The following FRZB variants were observed in gnomAD, a reference collection of about 807,000 sequenced individuals.
The protein encoded by FRZB is frizzled related protein, also known as secreted frizzled-related protein 3.
In FRZB, 34 loss-of-function variants were observed where a neutral mutation model predicts 32.5. The ratio of observed to expected loss-of-function variants is 1.05; its 90% CI spans 0.80 to 1.39. FRZB has a LOEUF of 1.39. Ranked by LOEUF, FRZB falls within the 40% of genes most tolerant of loss-of-function variation. The pLI is 0.00. For synonymous variants in FRZB, 170 were observed against 159.2 expected, an observed-to-expected ratio of 1.07 and a Z score of -0.51; for missense variants, 423 against 424.8, an observed-to-expected ratio of 1.00 and a Z score of 0.04.
At chr2:182,836,201 AC>A (rs1031321468) in intron 5 of FRZB, among the ~76,000 whole-genome samples, 3 of 152,200 alleles carry the variant, frequency 2.0e-5, no homozygotes, top group African/African-American at 7.2e-5. Flanking sequence ...CATGAAAAAA[AC>A]ATAATAATGT....
chr2:182,864,320 A>G (rs1212701014), intron 1 of FRZB, among the ~76,000 whole-genome samples: 1 of 152,180 alleles, frequency 6.6e-6, no homozygotes, highest in Non-Finnish European at 1.5e-5. Context: ...AATGCATTTC[A>G]GCCTGAACCA....
chr2:182,836,185 C>G (rs779381217), intron 5 of FRZB, among the ~76,000 whole-genome samples: 107 of 151,928 alleles, frequency 7.0e-4, no homozygotes, highest in African/African-American at 2.3e-3. Context: ...GGTAAACAAC[C>G]ATTTGCATGA....
At chr2:182,845,109 T>C (rs2105755487) in intron 2 of FRZB, among the ~76,000 whole-genome samples, 1 of 152,202 alleles carries the variant, frequency 6.6e-6, no homozygotes, top group East Asian at 1.9e-4. Flanking sequence ...AATTCATATC[T>C]TAGGTTATTC....
At chr2:182,836,274 G>C (rs753417978) in intron 5 of FRZB, among the ~76,000 whole-genome samples, 6 of 151,680 alleles carry the variant, frequency 4.0e-5, no homozygotes, top group Non-Finnish European at 8.8e-5. Flanking sequence ...AAATCTGATT[G>C]AAAAAATAAC....
At chr2:182,839,763 C>A (rs1695566199) in intron 3 of FRZB, among the ~76,000 whole-genome samples, 1 of 151,948 alleles carries the variant, frequency 6.6e-6, no homozygotes, top group Non-Finnish European at 1.5e-5. Context: ...TCCCAGTACC[C>A]TCATTGCTCC....
chr2:182,833,440 G>A lies in FRZB; in HGVS notation c.*1409C>T, dbSNP rs1308881683. ...GTACAGATGCTCCGCCATTTACGATGGGGTTACATCTGGATAAACCCATTC... is the reference window on the plus strand; with the variant it reads ...GTACAGATGCTCCGCCATTTACGATAGGGTTACATCTGGATAAACCCATTC... On this transcript the variant is annotated 3_prime_UTR_variant, in exon 6 of 6. Coordinates refer to ENST00000295113, the MANE Select transcript of FRZB (RefSeq NM_001463.4). 2.0e-5 allele frequency: 3 copies of A among 152,126 alleles called. No individual in the cohort carries two copies. The highest frequency in any genetic ancestry group is 4.4e-5 in the Non-Finnish European group (3 of 68,028). The allele number at this position is 152,126 out of a possible 1,614,324, so 9.4% of individuals were successfully genotyped here.
At chr2:182,840,455 T>G (rs1381920895) in intron 3 of FRZB, among the ~76,000 whole-genome samples, 2 of 152,148 alleles carry the variant, frequency 1.3e-5, no homozygotes, top group South Asian at 2.1e-4. Flanking sequence ...CTACAAGACC[T>G]ACTTTTTCAC....
chr2:182,835,409 T>C (rs1272114721), intron 5 of FRZB, among the ~76,000 whole-genome samples: 2 of 151,898 alleles, frequency 1.3e-5, no homozygotes, highest in Non-Finnish European at 2.9e-5. Context: ...TCTATGTGAT[T>C]TGAGCAGTGA....
chr2:182,848,526 C>T (rs373978525), intron 2 of FRZB, among the ~76,000 whole-genome samples: 2 of 152,228 alleles, frequency 1.3e-5, no homozygotes, highest in Middle Eastern at 3.4e-3. Flanking sequence ...AATGGAAAAC[C>T]GACAGGGTCT....
intron 2 of FRZB, among the ~76,000 whole-genome samples, chr2:182,851,516 C>T (rs1695709854): frequency 6.6e-6 from 1 of 151,828 alleles, no homozygotes; most frequent in South Asian, 2.1e-4. Flanking sequence ...ATTAGCCAGG[C>T]GTGGTGGCGG....
chr2:182,857,342 C>T (rs561698568), intron 2 of FRZB, among the ~76,000 whole-genome samples: 15 of 152,146 alleles, frequency 9.9e-5, no homozygotes, highest in East Asian at 7.7e-4. Flanking sequence ...AGGTCTTGGC[C>T]GGACATGGTG....
rs1372949315 is a variant in FRZB, at chr2:182,866,166, C to A, written c.387G>T (p.Ser129=). 1 of 1,614,102 alleles carries A rather than the reference C, an allele frequency of 6.2e-7. No homozygotes were observed. Among genetic ancestry groups the A allele is most frequent in the Non-Finnish European group, 8.5e-7 (1 of 1,179,988 alleles). ...CCTCGCAGGCCAGGTTCTCCGGCCACGAGTGGCGGTACTTGATGAGTATGG... is the reference window on the plus strand; with the variant it reads ...CCTCGCAGGCCAGGTTCTCCGGCCAAGAGTGGCGGTACTTGATGAGTATGG... The part of the protein sequence containing the change: ...CEPILIKYRH[S]WPENLACEEL... The change falls in exon 1 of 6, where the codon TCG becomes TCT. Residue 129 remains serine (S), a synonymous_variant. Transcript: ENST00000295113. This position sits in a 1 kb window ranked among gnomAD's most constrained non-coding sequence, Gnocchi z 4.5.
chr2:182,837,685 A>T (rs1487377851), intron 5 of FRZB, among the ~76,000 whole-genome samples: 1 of 152,034 alleles, frequency 6.6e-6, no homozygotes, highest in Non-Finnish European at 1.5e-5. Context: ...CCCTACCAGG[A>T]CTGGACTACA....
chr2:182,864,968 T>C (rs549915477), intron 1 of FRZB, among the ~76,000 whole-genome samples: 18 of 152,320 alleles, frequency 1.2e-4, no homozygotes, highest in Admixed American at 4.6e-4. Context: ...GTTGGGTTAG[T>C]TGGTAGAAGT....
chr2:182,858,774 T>A lies in FRZB; in HGVS notation c.526+12A>T. On this transcript the variant is annotated intron_variant, in intron 2 of 5. Coordinates refer to ENST00000295113, the MANE Select transcript of FRZB (RefSeq NM_001463.4). ...CCACAAATGAAAACCAGGAAGATAA[T>A]GATATACTCACCACTGCTTGCCCCT... 6.3e-7 allele frequency: 1 copy of A among 1,598,172 alleles called. No individual in the cohort carries two copies. Among genetic ancestry groups the A allele is most frequent in the Middle Eastern group, 1.7e-4 (1 of 6,030 alleles).
At chr2:182,840,577 T>C (rs1051313422) in intron 3 of FRZB, among the ~76,000 whole-genome samples, 1 of 152,048 alleles carries the variant, frequency 6.6e-6, no homozygotes, top group African/African-American at 2.4e-5. Context: ...ATATAGAAGA[T>C]AAAAATATTT....
chr2:182,834,737 T>C lies in FRZB; in HGVS notation c.*112A>G, dbSNP rs1695504368. On this transcript the variant is annotated 3_prime_UTR_variant, in exon 6 of 6. Transcript: ENST00000295113. ...TAATAATCAGTTATCACATGATTTT[T>C]ATAGTAAACAATAGAATATGATGTG... 4 of 781,204 alleles carry C rather than the reference T, an allele frequency of 5.1e-6. No individual in the cohort carries two copies. The South Asian group carries it at 5.8e-5, about 11-fold the overall frequency. 48.4% of individuals were successfully genotyped at this position (781,204 alleles called of 1,614,324 possible).
At chr2:182,856,375 A>T (rs537418397) in intron 2 of FRZB, among the ~76,000 whole-genome samples, 41 of 151,306 alleles carry the variant, frequency 2.7e-4, no homozygotes, top group East Asian at 1.5e-3. Flanking sequence ...TGTGTGTGAG[A>T]GAGAGAGAGA....
At chr2:182,850,772 T>A (rs1695701307) in intron 2 of FRZB, among the ~76,000 whole-genome samples, 2 of 152,204 alleles carry the variant, frequency 1.3e-5, no homozygotes, top group South Asian at 4.1e-4. Context: ...ATATGGTAGT[T>A]CTATTTTTAG....
Sources: allele counts gnomAD v4.1 joint callset (sites outside exome capture counted in the v4.1 genomes callset), GRCh38; gene constraint gnomAD v4.1.1; non-coding constraint Gnocchi (gnomAD v3.1); transcripts MANE v1.5; gene names NCBI Gene and HGNC (gene_info 2026-07-23, HGNC 2026-07-21).